Variants in INTS9 observed in about 807,000 individuals in gnomAD.
The protein encoded by INTS9 is integrator complex subunit 9.
A neutral mutation model predicts 79.7 loss-of-function variants in INTS9; 55 were observed. The ratio of observed to expected loss-of-function variants is 0.69; its 90% confidence interval spans 0.56 to 0.86. The LOEUF (loss-of-function observed/expected upper bound fraction) is 0.86, where lower values mean the gene tolerates loss of function less well. Ranked by LOEUF, INTS9 falls within the 40% of genes least tolerant of loss-of-function variation. The pLI, the probability that INTS9 is intolerant of heterozygous loss-of-function variation, is 0.00. For synonymous variants in INTS9, 319 were observed against 325.2 expected, an observed-to-expected ratio of 0.98 and a Z score of 0.20; for missense variants, 721 against 831.5, an observed-to-expected ratio of 0.87 and a Z score of 1.64.
chr8:28,787,892 A>G lies in INTS9; in HGVS notation c.1038-3T>C, dbSNP rs779379702. On this transcript the variant is annotated splice_polypyrimidine_tract_variant and splice_region_variant and intron_variant, in intron 10 of 16. Transcript: ENST00000521022. The stretch of plus-strand genomic sequence containing the variant: ...TACTCTGTTTGTTGTGACAAAGCCT[A>G]TTAAAGAGGAAAAACACATCAGCAT... 1.8e-5 allele frequency: 29 copies of G among 1,591,638 alleles called. No homozygotes were observed. The East Asian group carries it at 5.6e-4, about 31-fold the overall frequency.
intron 6 of INTS9, among the ~76,000 whole-genome samples, chr8:28,821,167 AC>A (rs1805803978): frequency 1.3e-5 from 2 of 152,102 alleles, no homozygotes. Flanking sequence ...ACAATAAACG[AC>A]CCAGAGGACA....
intron 4 of INTS9, among the ~76,000 whole-genome samples, chr8:28,839,639 T>C (rs886094880): frequency 2.2e-4 from 33 of 152,244 alleles, no homozygotes; most frequent in East Asian, 3.9e-4. Context: ...TAACGCCGCA[T>C]ATCTATAACT....
In INTS9 at chr8:28,775,798, G is replaced by A. The variant is rs774670609; in HGVS notation, c.1524C>T (p.Pro508=). 16 of 1,614,032 alleles carry A rather than the reference G, an allele frequency of 9.9e-6. No homozygotes were observed. The South Asian group carries it at 1.2e-4, about 12-fold the overall frequency. Residue 508 remains proline, a synonymous_variant, in exon 14 of 17, where the codon CCC becomes CCT. Transcript: ENST00000521022. ...CGATCTTCTCGTACCGACGTTTGAA[G>A]GGCAGGGCGAGAACCTCAGCCCGCC... ...SYRRAEVLAL[P]FKRRYEKIEI...
chr8:28,870,634 A>G (rs980883477), intron 1 of INTS9, among the ~76,000 whole-genome samples: 4 of 152,184 alleles, frequency 2.6e-5, no homozygotes, highest in African/African-American at 9.7e-5. Context: ...CCACATATAA[A>G]TGCAATGGTT....
intron 6 of INTS9, among the ~76,000 whole-genome samples, chr8:28,826,128 A>C (rs1002463239): frequency 2.0e-5 from 3 of 152,372 alleles, no homozygotes; most frequent in African/African-American, 7.2e-5. Context: ...TTAGAAGAAC[A>C]GTCTTGTTAA....
At chr8:28,784,742 A>C (rs1803482686) in intron 11 of INTS9, among the ~76,000 whole-genome samples, 1 of 152,184 alleles carries the variant, frequency 6.6e-6, no homozygotes, top group Non-Finnish European at 1.5e-5. Context: ...GAGTGTGGGG[A>C]GATAATCGCA....
At chr8:28,824,037 C>A (rs1184472611) in intron 6 of INTS9, among the ~76,000 whole-genome samples, 1 of 152,166 alleles carries the variant, frequency 6.6e-6, no homozygotes, top group Admixed American at 6.5e-5. Flanking sequence ...TTAGGTTTTG[C>A]AATATTTATT....
intron 1 of INTS9, among the ~76,000 whole-genome samples, chr8:28,865,612 A>G (rs900889533): frequency 1.3e-5 from 2 of 152,252 alleles, no homozygotes; most frequent in Non-Finnish European, 1.5e-5. Flanking sequence ...CTCAAAATAC[A>G]TGAAGCAAAA....
In INTS9 at chr8:28,823,540, T is replaced by A. The variant is rs60246636; in HGVS notation, c.489-9928A>T. Among the ~76,000 whole-genome samples the A allele has an allele frequency of 8.8e-3, 1,348 of 152,328 alleles. 20 individuals carry two copies. The highest frequency in any genetic ancestry group is 0.029 in the African/African-American group (1,225 of 41,558). On this transcript the variant is annotated intron_variant, in intron 6 of 16. Transcript: ENST00000521022. ...GTTCCTTTGGGTCTTCATTCTCCTG[T>A]GCAGACTCTTACATATATGTAACTT...
intron 6 of INTS9, among the ~76,000 whole-genome samples, chr8:28,828,045 C>T (rs1806255098): frequency 6.6e-6 from 1 of 152,204 alleles, no homozygotes; most frequent in Non-Finnish European, 1.5e-5. Flanking sequence ...GCCCAACCAG[C>T]TGTGATTACT....
chr8:28,849,545 G>T (rs982871095), intron 3 of INTS9, among the ~76,000 whole-genome samples: 1 of 151,854 alleles, frequency 6.6e-6, no homozygotes, highest in African/African-American at 2.4e-5. Context: ...TATCAGGACA[G>T]GTTGAAACGG....
chr8:28,785,038 G>A (rs1255201628), intron 11 of INTS9, among the ~76,000 whole-genome samples: 1 of 152,140 alleles, frequency 6.6e-6, no homozygotes, highest in Non-Finnish European at 1.5e-5. Context: ...TTATTTTGTT[G>A]AGCATCCTCG....
chr8:28,810,437 T>A (rs769026089), intron 8 of INTS9: 2 of 152,238 alleles, frequency 1.3e-5, no homozygotes, highest in African/African-American at 4.8e-5. Context: ...TTGGTTTTAT[T>A]ATGAAGACAA....
intron 1 of INTS9, among the ~76,000 whole-genome samples, chr8:28,878,978 C>CAA (rs34599728): frequency 1.0e-3 from 145 of 143,474 alleles, no homozygotes; most frequent in African/African-American, 3.7e-3. Context: ...GACTTCGTCT[C>CAA]AAAAAAAAAA....
At chr8:28,864,539 C>A (rs1397706212) in intron 1 of INTS9, among the ~76,000 whole-genome samples, 1 of 152,100 alleles carries the variant, frequency 6.6e-6, no homozygotes, top group Non-Finnish European at 1.5e-5. Context: ...ACATGTCTGT[C>A]TTTTATTTAC....
intron 11 of INTS9, among the ~76,000 whole-genome samples, chr8:28,782,164 T>C (rs968796992): frequency 6.6e-6 from 1 of 152,266 alleles, no homozygotes; most frequent in Non-Finnish European, 1.5e-5. Context: ...CAAGTCTTTC[T>C]GGTAATACTG....
intron 4 of INTS9, among the ~76,000 whole-genome samples, chr8:28,843,328 C>T (rs1177489267): frequency 1.3e-5 from 2 of 152,240 alleles, no homozygotes; most frequent in East Asian, 3.8e-4. Context: ...ACTCACTTCT[C>T]TTCCTAATAA....
chr8:28,813,801 AC>A, intron 6 of INTS9, 189 bp from the exon 7 acceptor site: 2 of 567,426 alleles, frequency 3.5e-6, no homozygotes, highest in Non-Finnish European at 2.9e-6. Flanking sequence ...TCACTGTGTC[AC>A]CAGGCTGGAG....
chr8:28,840,930 T>G (rs997778654), intron 4 of INTS9, among the ~76,000 whole-genome samples: 6 of 148,548 alleles, frequency 4.0e-5, no homozygotes, highest in African/African-American at 1.5e-4. Context: ...ACCCTAAAAC[T>G]TAAAGTATAA....
Sources: gnomAD v4.1 joint callset for allele counts (sites outside exome capture counted in the v4.1 genomes callset) on GRCh38, gnomAD v4.1.1 for gene constraint, MANE v1.5 for transcripts, NCBI Gene and HGNC (gene_info 2026-07-23, HGNC 2026-07-21) for gene names.